The following LHFPL3 variants were observed in gnomAD, a reference collection of about 807,000 sequenced individuals.
LHFPL3 encodes the protein LHFPL tetraspan subfamily member 3 protein.
LHFPL3 carries 5 observed loss-of-function variants against 19.3 expected under a neutral mutation model. The observed-to-expected ratio is 0.26, with a 90% CI of 0.14 to 0.54. The LOEUF is 0.54. LHFPL3 is among the 20% of genes least tolerant of loss of function. The pLI is 0.94. For missense variants in LHFPL3, 249 were observed against 307.4 expected, an observed-to-expected ratio of 0.81 and a Z score of 1.42; for synonymous variants, 133 against 126.2, an observed-to-expected ratio of 1.05 and a Z score of -0.36.
At chr7:104,495,711 G>A (rs1264970904) in intron 1 of LHFPL3, among the ~76,000 whole-genome samples, 6 of 151,980 alleles carry the variant, frequency 3.9e-5, no homozygotes, top group East Asian at 1.9e-4. Context: ...GACTGGTGGC[G>A]GGGGTCTCAT....
rs191992643 is a variant in LHFPL3, at chr7:104,453,476, C to T, written c.445+124252C>T. Among the ~76,000 whole-genome samples, 19 of 152,076 alleles carry T rather than the reference C, an allele frequency of 1.2e-4. No individual in the cohort carries two copies. In the East Asian group the frequency reaches 3.3e-3, roughly 26 times the overall value. ...ATTTCAAAGGGAAGGTTTTCGAGTC[C>T]TTGAGAAAGACATTCCTGGGTTGTA... On this transcript the variant is annotated intron_variant, in intron 1 of 2. Transcript: ENST00000424859.
intron 2 of LHFPL3, chr7:104,800,072 G>A (rs1790215151): frequency 1.3e-5 from 2 of 152,542 alleles, no homozygotes; most frequent in African/African-American, 4.8e-5. Context: ...AATGTGAGCT[G>A]AAATTTAAAA....
intron 2 of LHFPL3, among the ~76,000 whole-genome samples, chr7:104,840,860 C>T (rs1445938126): frequency 1.3e-5 from 2 of 151,910 alleles, no homozygotes; most frequent in Non-Finnish European, 2.9e-5. Flanking sequence ...ATGAATGAGA[C>T]CACAGTTCAT....
At chr7:104,668,428 G>A (rs1414529919) in intron 1 of LHFPL3, 15 of 1,607,098 alleles carry the variant, frequency 9.3e-6, no homozygotes, top group Admixed American at 3.3e-5. Flanking sequence ...TATCGAGATC[G>A]TTATGATTCA....
At chr7:104,830,042 G>A (rs1233414468) in intron 2 of LHFPL3, among the ~76,000 whole-genome samples, 13 of 151,980 alleles carry the variant, frequency 8.6e-5, no homozygotes, top group South Asian at 2.1e-4. Flanking sequence ...GTGAGATGGT[G>A]TCTCATTGTG....
At chr7:104,537,576 G>T (rs1794413459) in intron 1 of LHFPL3, among the ~76,000 whole-genome samples, 1 of 152,146 alleles carries the variant, frequency 6.6e-6, no homozygotes, top group African/African-American at 2.4e-5. Flanking sequence ...CTGACCCACT[G>T]CCCATCTTCT....
intron 1 of LHFPL3, among the ~76,000 whole-genome samples, chr7:104,689,628 C>A (rs141227424): frequency 1.3e-5 from 2 of 152,262 alleles, no homozygotes; most frequent in African/African-American, 4.8e-5. Flanking sequence ...CCCATCCTTC[C>A]CCAACAAGAC....
chr7:104,380,995 G>GT (rs1383708267), intron 1 of LHFPL3, among the ~76,000 whole-genome samples: 9 of 152,160 alleles, frequency 5.9e-5, no homozygotes, highest in Non-Finnish European at 1.3e-4. Flanking sequence ...TGTACAGTTG[G>GT]TGAATTTTAA....
intron 2 of LHFPL3, among the ~76,000 whole-genome samples, chr7:104,813,178 T>A (rs1340129313): frequency 2.0e-5 from 3 of 151,724 alleles, no homozygotes; most frequent in African/African-American, 7.3e-5. Flanking sequence ...CTGGGGAGGC[T>A]GAGGTGGGAG....
intron 2 of LHFPL3, among the ~76,000 whole-genome samples, chr7:104,817,635 T>G (rs1389911933): frequency 6.6e-6 from 1 of 152,128 alleles, no homozygotes; most frequent in Non-Finnish European, 1.5e-5. Flanking sequence ...CCTGAGGCCC[T>G]CACATCCCTG....
intron 1 of LHFPL3, among the ~76,000 whole-genome samples, chr7:104,648,122 C>T (rs184508254): frequency 6.6e-6 from 1 of 152,366 alleles, no homozygotes; most frequent in Non-Finnish European, 1.5e-5. Context: ...CGGGCCATTT[C>T]CATCTATAGA....
At chr7:104,789,310 T>A (rs1301026613) in intron 2 of LHFPL3, among the ~76,000 whole-genome samples, 2 of 151,960 alleles carry the variant, frequency 1.3e-5, no homozygotes, top group African/African-American at 4.8e-5. Context: ...TCTTGGTGAG[T>A]ATAAGAAGAG....
At chr7:104,532,318 C>CTTTTTTTTTTTTTTTTTTTTTTTTGTT (rs71155504) in intron 1 of LHFPL3, among the ~76,000 whole-genome samples, 2 of 87,232 alleles carry the variant, frequency 2.3e-5, no homozygotes, top group Non-Finnish European at 4.1e-5. Context: ...TTCTTTCTGT[C>CTTTTTTTTTTTTTTTTTTTTTTTTGTT]TTTTTTTTTT....
intron 1 of LHFPL3, among the ~76,000 whole-genome samples, chr7:104,337,352 G>T (rs561783892): frequency 6.6e-6 from 1 of 152,170 alleles, no homozygotes; most frequent in Admixed American, 6.5e-5. Context: ...TATTTAATTT[G>T]ATATCATCAA....
chr7:104,802,514 A>T (rs866119080), intron 2 of LHFPL3, among the ~76,000 whole-genome samples: 1 of 141,648 alleles, frequency 7.1e-6, no homozygotes, highest in African/African-American at 2.6e-5. Flanking sequence ...AAAAAAAAAA[A>T]AGAGAGAGAG....
chr7:104,584,474 T>A (rs1056009618), intron 1 of LHFPL3, among the ~76,000 whole-genome samples: 8 of 151,526 alleles, frequency 5.3e-5, no homozygotes, highest in African/African-American at 1.2e-4. Context: ...TAAAATTTTT[T>A]AAAAAAAGAA....
intron 2 of LHFPL3, among the ~76,000 whole-genome samples, chr7:104,813,939 G>A (rs1229369511): frequency 1.3e-5 from 2 of 152,200 alleles, no homozygotes; most frequent in Admixed American, 6.5e-5. Context: ...GAAGCAAGAG[G>A]CATGTCTCAG....
At chr7:104,832,620 C>CCTT (rs1215732405) in intron 2 of LHFPL3, among the ~76,000 whole-genome samples, 24 of 65,142 alleles carry the variant, frequency 3.7e-4, no homozygotes, top group African/African-American at 1.5e-3. Flanking sequence ...TTTCTTTTTT[C>CCTT]CTTCTTTTTT....
At chr7:104,590,090 G>A (rs1022788839) in intron 1 of LHFPL3, among the ~76,000 whole-genome samples, 1 of 151,964 alleles carries the variant, frequency 6.6e-6, no homozygotes, top group African/African-American at 2.4e-5. Context: ...TTTTTTGAAG[G>A]GTTTTTTGTG....
Sources: gnomAD v4.1 joint callset for allele counts (sites outside exome capture counted in the v4.1 genomes callset) on GRCh38, gnomAD v4.1.1 for gene constraint, MANE v1.5 for transcripts, NCBI Gene and HGNC (gene_info 2026-07-23, HGNC 2026-07-21) for gene names.